RNGTT: variants seen among roughly 807,000 people sequenced by gnomAD.
The protein encoded by RNGTT is mRNA-capping enzyme.
RNGTT carries 33 observed loss-of-function variants against 79.3 expected under a neutral mutation model. The observed-to-expected ratio is 0.42, with a 90% CI of 0.32 to 0.56. The LOEUF (loss-of-function observed/expected upper bound fraction) is 0.56. RNGTT is among the 20% of genes least tolerant of loss of function. The probability of loss-of-function intolerance (pLI) is 0.17; values close to 1 mark genes in which losing one functional copy is unlikely to be tolerated. For synonymous variants in RNGTT, 222 were observed against 235.9 expected (o/e 0.94, Z 0.54); for missense variants, 497 against 739.1 (o/e 0.67, Z 3.80).
intron 11 of RNGTT, among the ~76,000 whole-genome samples, chr6:88,827,031 C>T (rs1057476015): frequency 3.3e-5 from 5 of 151,714 alleles, no homozygotes; most frequent in Admixed American, 6.6e-5. Flanking sequence ...CTAAGTCAGA[C>T]AATGCCAAAG....
rs747846239 is a variant in RNGTT at position 88,801,658 on chromosome 6, T to C, written c.1270-26A>G. ...CTATAAAATAAATACACATGTATTC[T>C]TTAAAAATATAATAATCACTTTAAA... On this transcript the variant is annotated intron_variant, in intron 11 of 15. Coordinates refer to ENST00000369485, the MANE Select transcript of RNGTT (RefSeq NM_003800.5). 4 of 1,423,030 alleles carry C rather than the reference T, an allele frequency of 2.8e-6. No homozygotes were observed. The South Asian group carries it at 3.5e-5, about 12-fold the overall frequency. 88.2% of individuals were successfully genotyped at this position (1,423,030 alleles called of 1,614,324 possible).
At chr6:88,730,704 G>A (rs975391436) in intron 13 of RNGTT, among the ~76,000 whole-genome samples, 1 of 152,130 alleles carries the variant, frequency 6.6e-6, no homozygotes, top group African/African-American at 2.4e-5. Context: ...CCTGGGAGTT[G>A]GGGATCCCTC....
At chr6:88,731,354 A>C (rs1460670550) in intron 13 of RNGTT, among the ~76,000 whole-genome samples, 2 of 152,238 alleles carry the variant, frequency 1.3e-5, no homozygotes, top group African/African-American at 4.8e-5. Context: ...TCCAGCATTC[A>C]ACAAAATAAT....
chr6:88,904,197 T>C (rs1783567985), intron 6 of RNGTT, among the ~76,000 whole-genome samples: 2 of 152,290 alleles, frequency 1.3e-5, no homozygotes, highest in South Asian at 4.1e-4. Context: ...TTATCTAATA[T>C]CTAAAGACAT....
chr6:88,853,582 G>C, intron 9 of RNGTT, 47 bp downstream of exon 9: 1 of 1,269,754 alleles, frequency 7.9e-7, no homozygotes, highest in Non-Finnish European at 1.1e-6. Context: ...ACAAGGAAAA[G>C]AAAAATGGCA....
intron 13 of RNGTT, among the ~76,000 whole-genome samples, chr6:88,750,515 T>C (rs747110339): frequency 1.3e-5 from 2 of 152,166 alleles, no homozygotes; most frequent in South Asian, 2.1e-4. Context: ...TTGGAATATG[T>C]TGACAGTCTC....
chr6:88,942,890 G>C (rs1422427052), intron 1 of RNGTT, among the ~76,000 whole-genome samples: 6 of 152,078 alleles, frequency 3.9e-5, no homozygotes, highest in Non-Finnish European at 8.8e-5. Flanking sequence ...GTCACTTTTT[G>C]ACAAAAGAAC....
In RNGTT at chr6:88,769,771, T is replaced by C; in HGVS notation, c.1439+3A>G. 1.3e-6 allele frequency: 2 copies of C among 1,586,164 alleles called. No individual in the cohort carries two copies. The highest frequency in any genetic ancestry group is 1.7e-6 in the Non-Finnish European group (2 of 1,155,492). On this transcript the variant is annotated splice_donor_region_variant and intron_variant, in intron 13 of 15. Transcript: ENST00000369485. ...TGCAAAAAGTACAAAAGTGCATACT[T>C]ACCCTTCTCCTCCCATTCTTGTTAT...
chr6:88,902,500 G>T (rs1783505556), intron 6 of RNGTT, among the ~76,000 whole-genome samples: 2 of 151,896 alleles, frequency 1.3e-5, no homozygotes, highest in Admixed American at 6.6e-5. Context: ...TACTTGGGAG[G>T]CTTAGGTGGG....
At chr6:88,922,023 G>A (rs897578555) in intron 4 of RNGTT, among the ~76,000 whole-genome samples, 2 of 151,940 alleles carry the variant, frequency 1.3e-5, no homozygotes, top group Admixed American at 6.6e-5. Flanking sequence ...ATCCCCTGAG[G>A]AGTCTGAGGA....
chr6:88,643,444 G>A (rs1456469295), intron 14 of RNGTT, among the ~76,000 whole-genome samples: 2 of 152,068 alleles, frequency 1.3e-5, no homozygotes, highest in African/African-American at 4.8e-5. Flanking sequence ...ACAGATCAAC[G>A]AGACAGAAAG....
At chr6:88,915,421 G>GAATA (rs1783967993) in intron 4 of RNGTT, among the ~76,000 whole-genome samples, 1 of 152,178 alleles carries the variant, frequency 6.6e-6, no homozygotes, top group African/African-American at 2.4e-5. Context: ...ATATACCATA[G>GAATA]AATACTATGC....
chr6:88,834,821 T>A (rs1322063740), intron 11 of RNGTT, among the ~76,000 whole-genome samples: 1 of 149,942 alleles, frequency 6.7e-6, no homozygotes, highest in Non-Finnish European at 1.5e-5. Flanking sequence ...AGAAAAGCAA[T>A]ACATAGAAAA....
chr6:88,822,096 T>C (rs911915087), intron 11 of RNGTT, among the ~76,000 whole-genome samples: 1 of 152,198 alleles, frequency 6.6e-6, no homozygotes, highest in Admixed American at 6.5e-5. Context: ...AGTTTTTCTC[T>C]AGGGGCATTT....
rs76590632 is a variant in RNGTT, at chr6:88,863,531, C to T, written c.897-9767G>A. 1.1e-3 allele frequency among the ~76,000 whole-genome samples: 162 copies of T among 152,196 alleles called. 1 individual carries two copies. In the East Asian group the frequency reaches 0.017, roughly 16 times the overall value. On this transcript the variant is annotated intron_variant, in intron 8 of 15. Transcript: ENST00000369485. ...AAAATCTCAAGCCTTATCAAAGTAC[C>T]GTGTGTGCTTATTTCTATTAACAGA...
intron 13 of RNGTT, among the ~76,000 whole-genome samples, chr6:88,733,755 G>A (rs944909125): frequency 2.0e-5 from 3 of 151,542 alleles, no homozygotes; most frequent in South Asian, 2.1e-4. Context: ...AACAAGAATC[G>A]CATCAGACTT....
chr6:88,722,309 GTT>G (rs1776734691), intron 13 of RNGTT, among the ~76,000 whole-genome samples: 1 of 151,916 alleles, frequency 6.6e-6, no homozygotes, highest in Admixed American at 6.6e-5. Flanking sequence ...ACAGACTTTG[GTT>G]TTCAGCTACA....
chr6:88,617,899 A>G (rs1227101445), intron 14 of RNGTT, among the ~76,000 whole-genome samples: 1 of 152,100 alleles, frequency 6.6e-6, no homozygotes, highest in African/African-American at 2.4e-5. Context: ...TAAATTTACT[A>G]AAGGAACCAT....
intron 1 of RNGTT, among the ~76,000 whole-genome samples, chr6:88,957,318 G>T (rs1221744658): frequency 6.6e-6 from 1 of 152,162 alleles, no homozygotes; most frequent in African/African-American, 2.4e-5. Flanking sequence ...ACAAGACAAG[G>T]ATGCTACTTT....
Sources: allele counts gnomAD v4.1 joint callset (sites outside exome capture counted in the v4.1 genomes callset), GRCh38; gene constraint gnomAD v4.1.1; transcripts MANE v1.5; gene names NCBI Gene and HGNC (gene_info 2026-07-23, HGNC 2026-07-21).